The following APOB variants were observed in gnomAD, a reference collection of about 807,000 sequenced individuals.
The protein encoded by APOB is apolipoprotein B, also known as apolipoprotein B-100.
In APOB, 153 loss-of-function variants were observed where a neutral mutation model predicts 314.1. That is an observed-to-expected ratio of 0.49 (90% confidence interval 0.43 to 0.56). The LOEUF (loss-of-function observed/expected upper bound fraction) is 0.56. APOB is among the 20% of genes least tolerant of loss of function. The pLI is 0.00. For missense variants in APOB, 5,430 were observed against 5,350.7 expected (o/e 1.01, Z -0.46); for synonymous variants, 2,087 against 2,036.4 (o/e 1.02, Z -0.67).
At chr2:21,004,769 A>T in intron 26 of APOB, 94 bp from the exon 27 acceptor site, 2 of 974,982 alleles carry the variant, frequency 2.1e-6, no homozygotes, top group Non-Finnish European at 3.3e-6. Context: ...TCCTAACCAG[A>T]TATTTCACTT....
rs1378283331 is a variant in APOB at position 21,005,293 on chromosome 2, C to T, written c.11575G>A (p.Glu3859Lys). 3 of 1,613,932 alleles carry T rather than the reference C, an allele frequency of 1.9e-6. No individual in the cohort carries two copies. The highest frequency in any genetic ancestry group is 2.5e-6 in the Non-Finnish European group (3 of 1,179,966). The part of the protein sequence containing the change: ...DFELPTIIVP[E>K]QTIEIPSIKF... ...ATGGAGGGAATCTCAATGGTCTGCTCAGGCACGATGATGGTGGGCAACTCA... is the reference window on the plus strand; with the variant it reads ...ATGGAGGGAATCTCAATGGTCTGCTTAGGCACGATGATGGTGGGCAACTCA... Residue 3859 changes from glutamate to lysine, a missense_variant, in exon 26 of 29, where the codon GAG (glutamate) becomes AAG (lysine). Around this residue, in one of 3 missense-constraint regions of APOB, gnomAD observed 3,281 missense variants for 3,171.0 expected, o/e 1.03. Coordinates refer to ENST00000233242, the MANE Select transcript of APOB (RefSeq NM_000384.3).
In APOB at chr2:21,007,764, TTTTTCAAAG is replaced by T; in HGVS notation, c.9095_9103del (p.Thr3032_Lys3034del). 1 of 1,614,022 alleles carries T rather than the reference TTTTTCAAAG, an allele frequency of 6.2e-7. No homozygotes were observed. Among genetic ancestry groups the T allele is most frequent in the Non-Finnish European group, 8.5e-7 (1 of 1,179,952 alleles). ...TGGCTGGGCTGAAAAGAAAAGAGAATTTTTCAAAGTTCCAATAACCTTTCCATTTAAATG... is the reference window on the plus strand; with the variant it reads ...TGGCTGGGCTGAAAAGAAAAGAGAATTTCCAATAACCTTTCCATTTAAATG... On this transcript the variant is annotated inframe_deletion, in exon 26 of 29. Transcript: ENST00000233242.
rs72654417 is a variant in APOB, at chr2:21,004,644, C to T, written c.11820G>A (p.Thr3940=). The change falls in exon 27 of 29, where the codon ACG becomes ACA. Residue 3940 remains threonine, a synonymous_variant. Coordinates refer to ENST00000233242, the MANE Select transcript of APOB (RefSeq NM_000384.3). Reference sequence around the variant, plus strand: ...ATGTTCCTTTAGTCTTAGAGGCTAACGTACCATCTTCGATTTTGTGTGTTC... The same window carrying T: ...ATGTTCCTTTAGTCTTAGAGGCTAATGTACCATCTTCGATTTTGTGTGTTC... The part of the protein sequence containing the change: ...VLGTHKIEDG[T]LASKTKGTFA... 1.7e-4 allele frequency: 273 copies of T among 1,613,834 alleles called. No individual in the cohort carries two copies. Among genetic ancestry groups the T allele is most frequent in the African/African-American group, 7.1e-4 (53 of 75,018 alleles).
In APOB at chr2:21,010,382, A is replaced by T. The variant is rs767577474; in HGVS notation, c.6486T>A (p.Asp2162Glu). 3.8e-6 allele frequency: 6 copies of T among 1,584,942 alleles called. No homozygotes were observed. The South Asian group carries it at 5.8e-5, about 15-fold the overall frequency. ...TENDIQIALD[D>E]AKINFNEKLS... ...GTTTTTCATTAAAGTTGATTTTGGCATCATCTAATGCAATTTGTATATCAT... is the reference window on the plus strand; with the variant it reads ...GTTTTTCATTAAAGTTGATTTTGGCTTCATCTAATGCAATTTGTATATCAT... Residue 2162 changes from aspartate (D) to glutamate (E), a missense_variant, in exon 26 of 29, where the codon GAT becomes GAA. Physicochemically the swap from Asp to Glu is conservative, Grantham distance 45 (BLOSUM62 2). This residue lies in a region of APOB where 3,281 missense variants were observed against 3,171.0 expected (regional missense o/e 1.03). Coordinates refer to ENST00000233242, the MANE Select transcript of APOB (RefSeq NM_000384.3).
chr2:21,019,345 G>C (rs1663543474), intron 19 of APOB, among the ~76,000 whole-genome samples: 2 of 152,050 alleles, frequency 1.3e-5, no homozygotes, highest in Non-Finnish European at 2.9e-5. Context: ...GAGTTGGCTG[G>C]TTGTTTCAGC....
At chr2:21,041,193 G>A in intron 3 of APOB, 110 bp from the exon 4 acceptor site, 1 of 1,137,012 alleles carries the variant, frequency 8.8e-7, no homozygotes, top group Non-Finnish European at 1.3e-6. Flanking sequence ...ATGGTGCTGG[G>A]AACACCACTG....
chr2:21,042,454 G>A lies in APOB; in HGVS notation c.144C>T (p.His48=), dbSNP rs1404729103. Residue 48 remains histidine, a synonymous_variant, in exon 3 of 29, where the codon CAC becomes CAT. Coordinates refer to ENST00000233242, the MANE Select transcript of APOB (RefSeq NM_000384.3). ...VCPKDATRFK[H]LRKYTYNYEA... Reference sequence around the variant, plus strand: ...CATAGTTGTATGTGTACTTCCGGAGGTGCTTGAATCGGGTCGCATCTTCTA... The same window carrying A: ...CATAGTTGTATGTGTACTTCCGGAGATGCTTGAATCGGGTCGCATCTTCTA... 2 of 1,614,144 alleles carry A rather than the reference G, an allele frequency of 1.2e-6. No individual in the cohort carries two copies. The highest frequency in any genetic ancestry group is 1.7e-5 in the Admixed American group (1 of 60,016).
intron 4 of APOB, among the ~76,000 whole-genome samples, chr2:21,040,093 G>A (rs1184911585): frequency 1.3e-5 from 2 of 152,076 alleles, no homozygotes; most frequent in Admixed American, 6.5e-5. Context: ...GATGGGTGTC[G>A]GGAGATCTGA....
intron 13 of APOB, 106 bp downstream of exon 13, chr2:21,028,221 G>T: frequency 8.4e-7 from 1 of 1,188,012 alleles, no homozygotes; most frequent in Non-Finnish European, 1.3e-6. Context: ...ATTTGCACAA[G>T]TGTTTGTTTC....
rs778199079 is a variant in APOB, at chr2:21,023,573, T to G, written c.2556A>C (p.Gly852=). 29 of 1,614,064 alleles carry G rather than the reference T, an allele frequency of 1.8e-5. No individual in the cohort carries two copies. Among genetic ancestry groups the G allele is most frequent in the Admixed American group, 1.2e-4 (7 of 59,994 alleles). The part of the protein sequence containing the change: ...AGLQLQISSS[G]VIAPGAKAGV... ...CAGCCTTGGCTCCGGGAGCAATGAC[T>G]CCAGATGAAGATATTTGCAACTGTA... Residue 852 remains glycine (G), a synonymous_variant, in exon 17 of 29, where the codon GGA becomes GGC. Coordinates refer to ENST00000233242, the MANE Select transcript of APOB (RefSeq NM_000384.3).
rs141443492 is a variant in APOB, at chr2:21,013,498, C to G, written c.3878G>C (p.Ser1293Thr). 1.2e-6 allele frequency: 2 copies of G among 1,614,212 alleles called. No individual in the cohort carries two copies. The highest frequency in any genetic ancestry group is 8.5e-7 in the Non-Finnish European group (1 of 1,180,024). ...GRVKYTLNKN[S>T]LKIEIPLPFG... ...AGGCAAAGGAATCTCAATTTTCAAA[C>G]TGTTCTTGTTCAAGGTATATTTGAC... Residue 1293 changes from serine (S) to threonine (T), a missense_variant, in exon 25 of 29, where the codon AGT (serine) becomes ACT (threonine). By Grantham distance (58) the Ser-to-Thr change is moderately conservative. Around this residue, in one of 3 missense-constraint regions of APOB, gnomAD observed 2,085 missense variants for 2,079.7 expected, o/e 1.00. Transcript: ENST00000233242.
At chr2:21,023,866 G>A (rs1047215563) in intron 16 of APOB, 174 bp from the exon 17 acceptor site, 64 of 540,426 alleles carry the variant, frequency 1.2e-4, no homozygotes, top group South Asian at 1.1e-4. Flanking sequence ...TGTTTTTACC[G>A]TTTTCAGTGA....
intron 12 of APOB, 62 bp downstream of exon 12, chr2:21,029,576 CT>C: frequency 1.3e-6 from 2 of 1,573,842 alleles, no homozygotes; most frequent in Non-Finnish European, 1.7e-6. Flanking sequence ...TCTCATTCCC[CT>C]AGTACCTTCC....
chr2:21,018,611 G>T (rs1663530970), intron 20 of APOB, among the ~76,000 whole-genome samples: 1 of 152,112 alleles, frequency 6.6e-6, no homozygotes, highest in African/African-American at 2.4e-5. Context: ...CTTTACCAGG[G>T]AGACTTTCCC....
chr2:21,031,911 GCTAA>G (rs1235984530), intron 10 of APOB, among the ~76,000 whole-genome samples: 1 of 152,022 alleles, frequency 6.6e-6, no homozygotes, highest in Admixed American at 6.6e-5. Flanking sequence ...GGAAAAAACT[GCTAA>G]CTAATATTGA....
chr2:21,041,357 G>C (rs1056636513), intron 3 of APOB, among the ~76,000 whole-genome samples: 8 of 152,138 alleles, frequency 5.3e-5, no homozygotes, highest in African/African-American at 1.9e-4. Flanking sequence ...TCCTTTTATT[G>C]GTTCTAAAGT....
chr2:21,033,445 C>T lies in APOB; in HGVS notation c.978G>A (p.Leu326=). 6.2e-7 allele frequency: 1 copy of T among 1,614,154 alleles called. No homozygotes were observed. Among genetic ancestry groups the T allele is most frequent in the Non-Finnish European group, 8.5e-7 (1 of 1,180,024 alleles). ...GTTTTTTCAGTTCCTGGAGAGTCTT[C>T]AAAACAGCTTCGGCCTGCTTTGGAG... ...TSPPKQAEAV[L]KTLQELKKLT... The change falls in exon 9 of 29, where the codon TTG becomes TTA. Residue 326 remains leucine (L), a synonymous_variant. Coordinates refer to ENST00000233242, the MANE Select transcript of APOB (RefSeq NM_000384.3).
At chr2:21,032,765 A>T (rs150866453) in intron 9 of APOB, among the ~76,000 whole-genome samples, 184 bp from the exon 10 acceptor site, 47 of 152,292 alleles carry the variant, frequency 3.1e-4, no homozygotes, top group Middle Eastern at 3.4e-3. Context: ...CCACAGAAGA[A>T]GCCCAATCGA....
chr2:21,023,443 C>T, intron 17 of APOB, 82 bp downstream of exon 17: 4 of 1,507,322 alleles, frequency 2.7e-6, no homozygotes, highest in South Asian at 1.1e-5. Flanking sequence ...AGTGGAAACA[C>T]ATTTTTAAAT....
Sources: gnomAD v4.1 joint callset for allele counts (sites outside exome capture counted in the v4.1 genomes callset) on GRCh38, gnomAD v4.1.1 for gene constraint, gnomAD v4.1.1 regional missense constraint, MANE v1.5 for transcripts, NCBI Gene and HGNC (gene_info 2026-07-23, HGNC 2026-07-21) for gene names.